Variants in GRIK2 observed in about 807,000 individuals in gnomAD.
The protein encoded by GRIK2 is glutamate receptor ionotropic, kainate 2.
A neutral mutation model predicts 100.3 loss-of-function variants in GRIK2; 32 were observed. The ratio of observed to expected loss-of-function variants is 0.32; its 90% CI spans 0.24 to 0.43. The LOEUF is 0.43. Among genes scored for constraint, GRIK2 ranks in the 20% least tolerant of loss-of-function variants. The pLI is 1.00. For synonymous variants in GRIK2, 417 were observed against 389.4 expected, an observed-to-expected ratio of 1.07 and a Z score of -0.83; for missense variants, 843 against 1,114.9, an observed-to-expected ratio of 0.76 and a Z score of 3.47.
intron 2 of GRIK2, among the ~76,000 whole-genome samples, chr6:101,491,289 C>T (rs562846942): frequency 7.7e-6 from 1 of 129,146 alleles, no homozygotes; most frequent in Non-Finnish European, 1.7e-5. Flanking sequence ...AAAAAAAAAA[C>T]CCAACCAAAC....
intron 2 of GRIK2, among the ~76,000 whole-genome samples, chr6:101,588,541 A>C (rs949720645): frequency 6.6e-6 from 1 of 152,052 alleles, no homozygotes; most frequent in African/African-American, 2.4e-5. Context: ...GCTAGTTGGA[A>C]GGCTCTGGCA....
In GRIK2 at chr6:101,678,583, A is replaced by G. The variant is rs564194868; in HGVS notation, c.723+1779A>G. On this transcript the variant is annotated intron_variant, in intron 5 of 16. Transcript: ENST00000369134. ...CACATTTGAATTTTCCAGTTATTCTAGTAACCAAGAAGAAAGTGAATAGCT... is the reference window on the plus strand; with the variant it reads ...CACATTTGAATTTTCCAGTTATTCTGGTAACCAAGAAGAAAGTGAATAGCT... 2.0e-5 allele frequency among the ~76,000 whole-genome samples: 3 copies of G among 152,284 alleles called. No individual in the cohort carries two copies. In the East Asian group the frequency reaches 5.8e-4, roughly 29 times the overall value.
At chr6:101,464,271 A>G (rs1267654716) in intron 2 of GRIK2, among the ~76,000 whole-genome samples, 3 of 152,114 alleles carry the variant, frequency 2.0e-5, no homozygotes. Context: ...GAGAGGGTCC[A>G]TGGCTTTGGC....
chr6:101,802,472 A>G, intron 9 of GRIK2, 34 bp downstream of exon 9: 1 of 865,258 alleles, frequency 1.2e-6, no homozygotes, highest in South Asian at 1.7e-5. Flanking sequence ...TTAATTACTA[A>G]ATGAAACATA....
chr6:101,473,108 C>CCTTCCTTCCTTA (rs1772036639), intron 2 of GRIK2, among the ~76,000 whole-genome samples: 1 of 18,208 alleles, frequency 5.5e-5, no homozygotes, highest in Non-Finnish European at 1.4e-4. Context: ...TTCCTTCCTT[C>CCTTCCTTCCTTA]CTTCCTTCCT....
chr6:101,583,625 T>A (rs577587661), intron 2 of GRIK2, among the ~76,000 whole-genome samples: 85 of 152,232 alleles, frequency 5.6e-4, no homozygotes, highest in Admixed American at 1.5e-3. Context: ...AAAAAACCTA[T>A]GATTTTTTTG....
intron 2 of GRIK2, among the ~76,000 whole-genome samples, chr6:101,487,825 G>A (rs979371156): frequency 6.8e-6 from 1 of 146,268 alleles, no homozygotes. Context: ...TTGTCTTTTT[G>A]TAGGGGAAAA....
At chr6:101,928,860 C>G (rs1438929290) in intron 14 of GRIK2, among the ~76,000 whole-genome samples, 1 of 152,040 alleles carries the variant, frequency 6.6e-6, no homozygotes, top group African/African-American at 2.4e-5. Flanking sequence ...TATTTTGTTC[C>G]TGTTTTGAGG....
chr6:101,950,578 C>A (rs751717135), intron 14 of GRIK2, among the ~76,000 whole-genome samples: 1 of 152,154 alleles, frequency 6.6e-6, no homozygotes, highest in Non-Finnish European at 1.5e-5. Flanking sequence ...TTATCTTCCC[C>A]ACATTTTCAT....
intron 2 of GRIK2, among the ~76,000 whole-genome samples, chr6:101,499,149 G>A (rs929782539): frequency 6.6e-5 from 10 of 152,056 alleles, no homozygotes; most frequent in South Asian, 2.1e-4. Flanking sequence ...AGACTTAAAC[G>A]TTAGACAACC....
At chr6:101,876,373 G>C (rs1234822935) in intron 11 of GRIK2, among the ~76,000 whole-genome samples, 1 of 151,596 alleles carries the variant, frequency 6.6e-6, no homozygotes, top group Non-Finnish European at 1.5e-5. Context: ...AATAATAATT[G>C]TGATAGATTC....
intron 10 of GRIK2, among the ~76,000 whole-genome samples, chr6:101,852,709 A>G (rs1183409458): frequency 1.3e-5 from 2 of 152,196 alleles, no homozygotes; most frequent in Non-Finnish European, 2.9e-5. Context: ...CAGGAGCACC[A>G]GAAAAAGAAA....
chr6:101,812,368 G>T (rs558911800), intron 9 of GRIK2, among the ~76,000 whole-genome samples: 1 of 151,536 alleles, frequency 6.6e-6, no homozygotes, highest in South Asian at 2.1e-4. Flanking sequence ...GAAATGTTTC[G>T]TTTTGTGAAG....
At chr6:101,963,728 C>T (rs1792479991) in intron 14 of GRIK2, among the ~76,000 whole-genome samples, 1 of 151,980 alleles carries the variant, frequency 6.6e-6, no homozygotes, top group Admixed American at 6.6e-5. Flanking sequence ...AATTTTTGTA[C>T]ATATTATATG....
intron 2 of GRIK2, among the ~76,000 whole-genome samples, chr6:101,440,896 T>TG (rs1052782811): frequency 2.6e-5 from 4 of 152,008 alleles, no homozygotes; most frequent in African/African-American, 7.2e-5. Context: ...TTTTGTTTTT[T>TG]TTTTTTGTTT....
intron 2 of GRIK2, among the ~76,000 whole-genome samples, chr6:101,462,628 C>G (rs1771387124): frequency 6.6e-6 from 1 of 152,104 alleles, no homozygotes; most frequent in South Asian, 2.1e-4. Flanking sequence ...TATCTGTGCT[C>G]CTGGGAGTTA....
intron 4 of GRIK2, among the ~76,000 whole-genome samples, chr6:101,643,261 C>T (rs1781364176): frequency 6.6e-6 from 1 of 151,286 alleles, no homozygotes; most frequent in Non-Finnish European, 1.5e-5. Context: ...TAAACCTATA[C>T]TTTTGCTGTC....
chr6:101,579,988 T>G (rs977524210), intron 2 of GRIK2, among the ~76,000 whole-genome samples: 2 of 152,108 alleles, frequency 1.3e-5, no homozygotes, highest in African/African-American at 4.8e-5. Context: ...CCTTTGGGAG[T>G]CTTCCTTAAT....
intron 16 of GRIK2, among the ~76,000 whole-genome samples, chr6:102,066,117 GT>G (rs1772004866): frequency 6.6e-6 from 1 of 151,530 alleles, no homozygotes; most frequent in Middle Eastern, 3.4e-3. Context: ...CCCATTACAA[GT>G]GCTAATATAT....
Sources: allele counts gnomAD v4.1 joint callset (sites outside exome capture counted in the v4.1 genomes callset), GRCh38; gene constraint gnomAD v4.1.1; transcripts MANE v1.5; gene names NCBI Gene and HGNC (gene_info 2026-07-23, HGNC 2026-07-21).